The following RNGTT variants were observed in gnomAD, a reference collection of about 807,000 sequenced individuals.
RNGTT encodes the protein mRNA-capping enzyme.
RNGTT carries 33 observed loss-of-function variants against 79.3 expected under a neutral mutation model. The ratio of observed to expected loss-of-function variants is 0.42; its 90% CI spans 0.32 to 0.56. RNGTT has a LOEUF of 0.56. Ranked by LOEUF, RNGTT falls within the 20% of genes least tolerant of loss-of-function variation. The pLI is 0.17. For missense variants in RNGTT, 497 were observed against 739.1 expected (o/e 0.67, Z 3.80); for synonymous variants, 222 against 235.9 (o/e 0.94, Z 0.54).
intron 11 of RNGTT, among the ~76,000 whole-genome samples, chr6:88,835,970 T>A (rs1283809507): frequency 3.7e-5 from 4 of 108,956 alleles, no homozygotes; most frequent in African/African-American, 1.5e-4. Context: ...TCTGTCTCTA[T>A]TAAAAACACA....
At chr6:88,640,444 G>C (rs957864778) in intron 14 of RNGTT, among the ~76,000 whole-genome samples, 2 of 149,282 alleles carry the variant, frequency 1.3e-5, no homozygotes, top group African/African-American at 5.0e-5. Context: ...CCAGCTACTC[G>C]AGAGGCTAAG....
intron 8 of RNGTT, among the ~76,000 whole-genome samples, chr6:88,887,103 A>T (rs1782889195): frequency 6.6e-6 from 1 of 151,548 alleles, no homozygotes; most frequent in African/African-American, 2.4e-5. Flanking sequence ...CCAGGCCCTC[A>T]GGCCTTGGTC....
intron 11 of RNGTT, among the ~76,000 whole-genome samples, chr6:88,831,837 C>T (rs1186589578): frequency 6.6e-6 from 1 of 152,102 alleles, no homozygotes; most frequent in Non-Finnish European, 1.5e-5. Context: ...TTCCCATTCA[C>T]AATTGCTACA....
chr6:88,869,158 C>T (rs572589776), intron 8 of RNGTT, among the ~76,000 whole-genome samples: 2 of 151,948 alleles, frequency 1.3e-5, no homozygotes, highest in African/African-American at 4.8e-5. Context: ...ATAACAAAAC[C>T]GTATCTAAGT....
intron 11 of RNGTT, among the ~76,000 whole-genome samples, chr6:88,826,249 T>C (rs997917256): frequency 1.3e-5 from 2 of 152,156 alleles, no homozygotes; most frequent in Non-Finnish European, 2.9e-5. Flanking sequence ...AACAGAGTTG[T>C]CTGACACCCT....
chr6:88,915,883 G>A (rs1461817550), intron 4 of RNGTT, among the ~76,000 whole-genome samples: 1 of 152,162 alleles, frequency 6.6e-6, no homozygotes, highest in East Asian at 1.9e-4. Context: ...GGCAATATTT[G>A]CTGATACAAA....
intron 11 of RNGTT, among the ~76,000 whole-genome samples, chr6:88,817,687 C>T (rs1554220503): frequency 6.6e-6 from 1 of 151,222 alleles, no homozygotes; most frequent in Non-Finnish European, 1.5e-5. Flanking sequence ...ACTTTGCCAA[C>T]CTCTGAACCT....
chr6:88,764,966 G>T (rs1296454623), intron 13 of RNGTT, among the ~76,000 whole-genome samples: 1 of 152,088 alleles, frequency 6.6e-6, no homozygotes, highest in Admixed American at 6.6e-5. Flanking sequence ...GCCAAGGCAG[G>T]TGGATCATCA....
Position 88,684,266 on chromosome 6 carries a change from C to T in RNGTT, c.1440-5847G>A, listed in dbSNP as rs567484559. On this transcript the variant is annotated intron_variant, in intron 13 of 15. Coordinates refer to ENST00000369485, the MANE Select transcript of RNGTT (RefSeq NM_003800.5). ...GCAAGGATGTGGAGCAACAGGAACTCGCGAGCATTGCTGGTGGGAATGCAA... is the reference window on the plus strand; with the variant it reads ...GCAAGGATGTGGAGCAACAGGAACTTGCGAGCATTGCTGGTGGGAATGCAA... Among the ~76,000 whole-genome samples, 14 of 152,254 alleles carry T rather than the reference C, an allele frequency of 9.2e-5. No homozygotes were observed. The East Asian group carries it at 1.9e-3, about 21-fold the overall frequency.
rs565576305 is a variant in RNGTT at position 88,963,229 on chromosome 6, T to C, written c.64+117A>G. The C allele has an allele frequency of 4.3e-4, 449 of 1,033,414 alleles. 10 individuals are homozygous for C. In the South Asian group the frequency reaches 4.9e-3, roughly 11 times the overall value. 64.0% of individuals were successfully genotyped at this position (1,033,414 alleles called of 1,614,324 possible). ...ACGAAGCGTAATCCGACGGAGCATA[T>C]CCCGCTCCTGAAATACCACTAATGG... On this transcript the variant is annotated intron_variant, in intron 1 of 15. Coordinates refer to ENST00000369485, the MANE Select transcript of RNGTT (RefSeq NM_003800.5).
At chr6:88,621,370 G>C (rs544445501) in intron 14 of RNGTT, among the ~76,000 whole-genome samples, 1 of 152,252 alleles carries the variant, frequency 6.6e-6, no homozygotes, top group East Asian at 1.9e-4. Context: ...CCTCAGGAAA[G>C]ACATTTCCTT....
chr6:88,737,919 G>A (rs916921552), intron 13 of RNGTT, among the ~76,000 whole-genome samples: 1 of 152,138 alleles, frequency 6.6e-6, no homozygotes, highest in African/African-American at 2.4e-5. Context: ...AAAAAGAATT[G>A]TACAGTACCC....
chr6:88,730,252 C>T (rs546697726), intron 13 of RNGTT, among the ~76,000 whole-genome samples: 5 of 152,344 alleles, frequency 3.3e-5, no homozygotes, highest in Non-Finnish European at 7.3e-5. Flanking sequence ...GGATTACCTG[C>T]TCCACCCTGA....
At chr6:88,825,462 C>T (rs1465237649) in intron 11 of RNGTT, among the ~76,000 whole-genome samples, 1 of 152,126 alleles carries the variant, frequency 6.6e-6, no homozygotes, top group African/African-American at 2.4e-5. Flanking sequence ...AGATATTCAT[C>T]GAAACATTAG....
intron 12 of RNGTT, among the ~76,000 whole-genome samples, chr6:88,774,201 T>C (rs9344859): frequency 0.14 from 21,052 of 151,890 alleles, 1,595 homozygotes; most frequent in Middle Eastern, 0.24. Flanking sequence ...AAATGGCCAA[T>C]AAGCACATGA....
intron 1 of RNGTT, among the ~76,000 whole-genome samples, chr6:88,948,594 AC>A (rs1391048398): frequency 1.4e-5 from 2 of 144,692 alleles, no homozygotes. Flanking sequence ...CCCGGCCACC[AC>A]CCCGTCTGGG....
intron 13 of RNGTT, among the ~76,000 whole-genome samples, chr6:88,756,641 G>A (rs1778026507): frequency 6.6e-6 from 1 of 152,132 alleles, no homozygotes; most frequent in Non-Finnish European, 1.5e-5. Context: ...GAAAGTAAAG[G>A]AATTTTTCCA....
Position 88,652,635 on chromosome 6 carries a change from C to T in RNGTT, c.1506+25718G>A, listed in dbSNP as rs182502038. ...AACGTGTGGATTTCTATGATCTAGA[C>T]TTGGAGTTTGTTAGTGCTCTTTGGG... On this transcript the variant is annotated intron_variant, in intron 14 of 15. Coordinates refer to ENST00000369485, the MANE Select transcript of RNGTT (RefSeq NM_003800.5). 1.9e-3 allele frequency among the ~76,000 whole-genome samples: 292 copies of T among 152,228 alleles called. 4 individuals are homozygous for T. Among genetic ancestry groups the T allele is most frequent in the African/African-American group, 6.8e-3 (284 of 41,548 alleles).
chr6:88,880,503 T>G (rs545667051), intron 8 of RNGTT, among the ~76,000 whole-genome samples: 4 of 152,292 alleles, frequency 2.6e-5, no homozygotes, highest in African/African-American at 7.2e-5. Flanking sequence ...TATATAAATA[T>G]GTAAGTCAAA....
Sources: allele counts gnomAD v4.1 joint callset (sites outside exome capture counted in the v4.1 genomes callset), GRCh38; gene constraint gnomAD v4.1.1; transcripts MANE v1.5; gene names NCBI Gene and HGNC (gene_info 2026-07-23, HGNC 2026-07-21).